CARD16: variants seen among roughly 807,000 people sequenced by gnomAD.
CARD16 encodes caspase recruitment domain family member 16.
A neutral mutation model predicts 11.9 loss-of-function variants in CARD16; 8 were observed. The ratio of observed to expected loss-of-function variants is 0.67; its 90% CI spans 0.39 to 1.21. The LOEUF is 1.21. CARD16 is among the 50% of genes most tolerant of loss of function. The pLI is 0.01. For synonymous variants in CARD16, 44 were observed against 43.8 expected (o/e 1.00, Z -0.02); for missense variants, 131 against 118.1 (o/e 1.11, Z -0.51).
chr11:105,044,079 C>T, intron 2 of CARD16: 1 of 455,372 alleles, frequency 2.2e-6, no homozygotes, highest in Non-Finnish European at 3.9e-6. Context: ...ATAAATCAAT[C>T]AATAAATATC....
intron 3 of CARD16, among the ~76,000 whole-genome samples, 151 bp downstream of exon 3, chr11:105,043,332 T>A (rs1413889788): frequency 6.6e-6 from 1 of 150,942 alleles, no homozygotes; most frequent in Non-Finnish European, 1.5e-5. Flanking sequence ...TTGGGAACAG[T>A]TTCTGCAAAA....
At chr11:105,043,209 A>G (rs895706096) in intron 3 of CARD16, among the ~76,000 whole-genome samples, 2 of 152,160 alleles carry the variant, frequency 1.3e-5, no homozygotes, top group African/African-American at 4.8e-5. Context: ...TCTCTGGAAG[A>G]TGTGAGGGAA....
chr11:105,044,440 T>C lies in CARD16; in HGVS notation c.226A>G (p.Ile76Val), dbSNP rs1864160002. The stretch of plus-strand genomic sequence containing the variant: ...GCCAGGTAACTGTCTTCTTCACAAA[T>C]GTATGTGATGCAAATTTGGCATGCC... ...AQACQICITYICEEDSYLAET... is the reference protein window; with the variant it reads ...AQACQICITYVCEEDSYLAET... The change falls in exon 2 of 4, where the codon ATT becomes GTT. Residue 76 changes from isoleucine (I) to valine (V), a missense_variant. Ile to Val is a conservative substitution (Grantham distance 29, BLOSUM62 3). Transcript: ENST00000673097. 1.2e-6 allele frequency: 2 copies of C among 1,614,112 alleles called. No individual in the cohort carries two copies. Among genetic ancestry groups the C allele is most frequent in the Admixed American group, 1.7e-5 (1 of 60,020 alleles).
chr11:105,042,524 A>C (rs1055751970), intron 3 of CARD16, among the ~76,000 whole-genome samples: 25 of 152,210 alleles, frequency 1.6e-4, no homozygotes, highest in African/African-American at 6.0e-4. Flanking sequence ...GATCTTTTAG[A>C]AACTATTAAG....
At chr11:105,043,787 G>T in intron 2 of CARD16, 1 of 426,090 alleles carries the variant, frequency 2.3e-6, no homozygotes, top group East Asian at 3.9e-5. Flanking sequence ...GATGATGGAA[G>T]TCCAGGCCTC....
intron 3 of CARD16, 72 bp from the exon 4 acceptor site, chr11:105,041,791 C>G: frequency 1.4e-6 from 2 of 1,420,724 alleles, no homozygotes; most frequent in Non-Finnish European, 1.9e-6. Context: ...ATGGAGGAAG[C>G]TACAAAAGAG....
chr11:105,043,966 G>A, intron 2 of CARD16: 1 of 250,688 alleles, frequency 4.0e-6, no homozygotes, highest in Non-Finnish European at 7.7e-6. Context: ...CTTCTCTGAG[G>A]GCAAAAGTTT....
chr11:105,044,237 T>C (rs1397774532), intron 2 of CARD16, 155 bp downstream of exon 2: 10 of 1,218,386 alleles, frequency 8.2e-6, no homozygotes, highest in Non-Finnish European at 1.2e-5. Context: ...CAAAAAAGAG[T>C]CAAGGGACAT....
chr11:105,044,933 T>A (rs1440208922), intron 1 of CARD16: 18 of 627,256 alleles, frequency 2.9e-5, no homozygotes, highest in South Asian at 4.1e-5. Flanking sequence ...TATTTAACTC[T>A]GAATAATAAA....
chr11:105,043,455 A>T, intron 3 of CARD16, 28 bp downstream of exon 3: 1 of 1,526,448 alleles, frequency 6.6e-7, no homozygotes, highest in Non-Finnish European at 9.1e-7. Context: ...GGGTTCAAAG[A>T]ATGCTCTTCA....
chr11:105,043,992 A>G (rs1026067693), intron 2 of CARD16: 1 of 263,830 alleles, frequency 3.8e-6, no homozygotes, highest in African/African-American at 2.2e-5. Flanking sequence ...GAATTTATAA[A>G]AAGTATTTGA....
chr11:105,044,382 T>C lies in CARD16; in HGVS notation c.274+10A>G. ...CTAGGTGAACTTGAGTGTGAGTCACTGACCCTTACCTGCTGAGAGTCCCAG... is the reference window on the plus strand; with the variant it reads ...CTAGGTGAACTTGAGTGTGAGTCACCGACCCTTACCTGCTGAGAGTCCCAG... On this transcript the variant is annotated intron_variant, in intron 2 of 3. Coordinates refer to ENST00000673097, the MANE Select transcript of CARD16 (RefSeq NM_052889.4). The C allele has an allele frequency of 6.2e-7, 1 of 1,613,942 alleles. No individual in the cohort carries two copies. Among genetic ancestry groups the C allele is most frequent in the Non-Finnish European group, 8.5e-7 (1 of 1,179,816 alleles).
At chr11:105,045,093 C>G (rs551996792) in intron 1 of CARD16, 198 bp downstream of exon 1, 2 of 728,342 alleles carry the variant, frequency 2.7e-6, no homozygotes, top group Non-Finnish European at 4.6e-6. Context: ...CCTAAAGTCT[C>G]TGTTCCTTTC....
rs146931452 is a variant in CARD16, at chr11:105,044,472, C to G, written c.194G>C (p.Gly65Ala). Residue 65 changes from glycine (G) to alanine (A), a missense_variant, in exon 2 of 4, where the codon GGG (glycine) becomes GCG (alanine). Physicochemically the swap from Gly to Ala is moderately conservative, Grantham distance 60. Coordinates refer to ENST00000673097, the MANE Select transcript of CARD16 (RefSeq NM_052889.4). ...RALIDSVIPKGAQACQICITY... is the reference protein window; with the variant it reads ...RALIDSVIPKAAQACQICITY... The stretch of plus-strand genomic sequence containing the variant: ...GATGCAAATTTGGCATGCCTGTGCC[C>G]CTTTCGGAATAACGGAGTCAATCAA... 6.2e-7 allele frequency: 1 copy of G among 1,613,988 alleles called. No homozygotes were observed. Among genetic ancestry groups the G allele is most frequent in the East Asian group, 2.2e-5 (1 of 44,890 alleles).
intron 3 of CARD16, among the ~76,000 whole-genome samples, chr11:105,042,377 A>C (rs910989651): frequency 2.0e-5 from 3 of 152,220 alleles, no homozygotes; most frequent in Non-Finnish European, 4.4e-5. Flanking sequence ...AAATGTTTTC[A>C]CAGAGTTTAT....
At chr11:105,044,284 G>A (rs1457864445) in intron 2 of CARD16, 108 bp downstream of exon 2, 2 of 1,554,040 alleles carry the variant, frequency 1.3e-6, no homozygotes, top group Non-Finnish European at 1.8e-6. Context: ...TGGCCCAAAG[G>A]CAGAGATAAG....
At position 105,041,584 on chromosome 11, in the gene CARD16, AT is replaced by A. The variant is rs764404360; in HGVS notation, c.*178del. ...AGTATATCTTTCACTCCACTTTATT[AT>A]TGTATTCTGAACATGGCACCTCTGC... is the stretch of plus-strand genomic sequence containing the variant. On this transcript the variant is annotated 3_prime_UTR_variant, in exon 4 of 4. Coordinates refer to ENST00000673097, the MANE Select transcript of CARD16 (RefSeq NM_052889.4). 20 of 1,613,942 alleles carry A rather than the reference AT, an allele frequency of 1.2e-5. No homozygotes were observed. Among genetic ancestry groups the A allele is most frequent in the Non-Finnish European group, 1.7e-5 (20 of 1,179,954 alleles).
intron 2 of CARD16, chr11:105,043,939 C>T (rs1438028114): frequency 8.0e-6 from 2 of 250,702 alleles, no homozygotes; most frequent in East Asian, 8.9e-5. Flanking sequence ...ATCATCGTCA[C>T]TTAAATATAC....
chr11:105,044,233 A>G, intron 2 of CARD16, 159 bp downstream of exon 2: 2 of 1,177,050 alleles, frequency 1.7e-6, no homozygotes, highest in Non-Finnish European at 2.4e-6. Context: ...AACACAAAAA[A>G]GAGTCAAGGG....
Sources: allele counts gnomAD v4.1 joint callset (sites outside exome capture counted in the v4.1 genomes callset), GRCh38; gene constraint gnomAD v4.1.1; transcripts MANE v1.5; gene names NCBI Gene and HGNC (gene_info 2026-07-23, HGNC 2026-07-21).